CCDC39: variants seen among roughly 807,000 people sequenced by gnomAD.
The protein encoded by CCDC39 is coiled-coil domain-containing protein 39.
Under a neutral mutation model 121.0 loss-of-function variants are expected in CCDC39, and 113 were observed. That is an observed-to-expected ratio of 0.93 (90% CI 0.80 to 1.09). The LOEUF is 1.09. CCDC39 is among the 50% of genes least tolerant of loss of function. The pLI, the probability that CCDC39 is intolerant of heterozygous loss-of-function variation, is 0.00. For synonymous variants in CCDC39, 349 were observed against 352.2 expected, an observed-to-expected ratio of 0.99 and a Z score of 0.10; for missense variants, 1,063 against 1,074.7, an observed-to-expected ratio of 0.99 and a Z score of 0.15.
At chr3:180,642,611 T>C (rs1717981989) in intron 12 of CCDC39, among the ~76,000 whole-genome samples, 1 of 152,076 alleles carries the variant, frequency 6.6e-6, no homozygotes, top group African/African-American at 2.4e-5. Flanking sequence ...AGTACACATA[T>C]CAATCAATTT....
At chr3:180,627,157 A>G (rs1217645994) in intron 14 of CCDC39, among the ~76,000 whole-genome samples, 1 of 152,204 alleles carries the variant, frequency 6.6e-6, no homozygotes, top group East Asian at 1.9e-4. Context: ...AATTGTAAAG[A>G]TAAGTTTTAT....
At chr3:180,650,650 A>G (rs1188670339) in intron 9 of CCDC39, among the ~76,000 whole-genome samples, 2 of 151,784 alleles carry the variant, frequency 1.3e-5, no homozygotes, top group Non-Finnish European at 2.9e-5. Flanking sequence ...TGAGGTCAGG[A>G]GTTTGAGGCC....
chr3:180,653,855 C>G (rs1202963706), intron 7 of CCDC39, among the ~76,000 whole-genome samples: 2 of 152,082 alleles, frequency 1.3e-5, no homozygotes, highest in African/African-American at 4.8e-5. Flanking sequence ...CTCCTGTATA[C>G]TTTAAATAAT....
At chr3:180,655,141 A>G (rs1244104849) in intron 6 of CCDC39, among the ~76,000 whole-genome samples, 188 bp from the exon 7 acceptor site, 1 of 152,110 alleles carries the variant, frequency 6.6e-6, no homozygotes. Context: ...ATGTCTATAA[A>G]TTCATATTGT....
intron 14 of CCDC39, among the ~76,000 whole-genome samples, chr3:180,623,415 AT>A (rs1322306256): frequency 6.6e-6 from 1 of 151,682 alleles, no homozygotes; most frequent in Non-Finnish European, 1.5e-5. Context: ...AATTTCCTTG[AT>A]CATTTGTAAA....
chr3:180,618,258 A>C (rs1717323003), intron 16 of CCDC39, among the ~76,000 whole-genome samples: 1 of 152,166 alleles, frequency 6.6e-6, no homozygotes, highest in East Asian at 1.9e-4. Flanking sequence ...TTATGGATTA[A>C]ATTTTTTATG....
chr3:180,670,051 G>A (rs528726603), intron 1 of CCDC39, among the ~76,000 whole-genome samples: 198 of 151,960 alleles, frequency 1.3e-3, no homozygotes, highest in Non-Finnish European at 2.3e-3. Flanking sequence ...TTAACGAATC[G>A]ATCGTTCTTA....
chr3:180,628,297 G>A (rs1004881664), intron 14 of CCDC39, among the ~76,000 whole-genome samples: 2 of 152,168 alleles, frequency 1.3e-5, no homozygotes, highest in South Asian at 2.1e-4. Flanking sequence ...TGCAAGCTCC[G>A]CCTCCTGGGT....
chr3:180,663,517 A>C (rs1207526656), intron 2 of CCDC39, among the ~76,000 whole-genome samples: 1 of 152,092 alleles, frequency 6.6e-6, no homozygotes, highest in Non-Finnish European at 1.5e-5. Flanking sequence ...TACCAAAAAT[A>C]CAAAAATTAG....
chr3:180,627,043 G>T (rs1334037270), intron 14 of CCDC39, among the ~76,000 whole-genome samples: 1 of 152,144 alleles, frequency 6.6e-6, no homozygotes, highest in Non-Finnish European at 1.5e-5. Flanking sequence ...CCCATGGCCA[G>T]AGAGGTTGTG....
intron 9 of CCDC39, among the ~76,000 whole-genome samples, chr3:180,650,992 C>T (rs997707156): frequency 6.7e-5 from 10 of 149,758 alleles, no homozygotes; most frequent in Admixed American, 5.3e-4. Context: ...GCAAGCAGAT[C>T]GAGACCAGCC....
At chr3:180,674,090 T>C (rs2108435794) in intron 1 of CCDC39, among the ~76,000 whole-genome samples, 1 of 152,264 alleles carries the variant, frequency 6.6e-6, no homozygotes, top group Non-Finnish European at 1.5e-5. Context: ...TTTCACGATA[T>C]TGATTCTTCC....
intron 8 of CCDC39, 95 bp downstream of exon 8, chr3:180,652,068 C>A: frequency 4.1e-6 from 3 of 728,480 alleles, no homozygotes; most frequent in South Asian, 3.9e-5. Context: ...TAAAATATTG[C>A]AATTATTTAA....
chr3:180,620,116 G>A (rs1473949780), intron 14 of CCDC39, 146 bp from the exon 15 acceptor site: 1 of 549,306 alleles, frequency 1.8e-6, no homozygotes, highest in East Asian at 3.2e-5. Flanking sequence ...GCATTTATTT[G>A]TTGTGCTTGA....
intron 16 of CCDC39, chr3:180,617,435 A>C: frequency 1.5e-6 from 1 of 683,830 alleles, no homozygotes; most frequent in Non-Finnish European, 2.7e-6. Flanking sequence ...CAGGTCCTTC[A>C]GGAGATATTC....
chr3:180,648,024 T>TGGAAA, intron 10 of CCDC39, 141 bp downstream of exon 10: 1 of 649,678 alleles, frequency 1.5e-6, no homozygotes, highest in South Asian at 2.1e-5. Flanking sequence ...ACTACTGATC[T>TGGAAA]AACATGATGT....
chr3:180,624,213 CT>C (rs1717500267), intron 14 of CCDC39, among the ~76,000 whole-genome samples: 1 of 152,014 alleles, frequency 6.6e-6, no homozygotes, highest in Non-Finnish European at 1.5e-5. Flanking sequence ...TTTAATATCT[CT>C]TTTATCTAAT....
In CCDC39 at chr3:180,663,771, G is replaced by A. The variant is rs533919681; in HGVS notation, c.210+96C>T. 16 of 1,161,824 alleles carry A rather than the reference G, an allele frequency of 1.4e-5. No homozygotes were observed. In the South Asian group the frequency reaches 1.5e-4, roughly 11 times the overall value. 72.0% of individuals were successfully genotyped at this position (1,161,824 alleles called of 1,614,324 possible). ...TTCACAATAGTTTAATTATGCTAAG[G>A]TTTCCTATTATAGCTGTAAAAATCG... On this transcript the variant is annotated intron_variant, in intron 2 of 19. Transcript: ENST00000476379.
At chr3:180,615,108 T>C (rs1490404016) in intron 19 of CCDC39, 31 bp from the exon 20 acceptor site, 1 of 1,485,468 alleles carries the variant, frequency 6.7e-7, no homozygotes, top group Non-Finnish European at 9.0e-7. Context: ...ATAAATTCAA[T>C]GCAAAGTTTA....
Sources: gnomAD v4.1 joint callset for allele counts (sites outside exome capture counted in the v4.1 genomes callset) on GRCh38, gnomAD v4.1.1 for gene constraint, MANE v1.5 for transcripts, NCBI Gene and HGNC (gene_info 2026-07-23, HGNC 2026-07-21) for gene names.